CR1: variants seen among roughly 807,000 people sequenced by gnomAD.
CR1 encodes complement C3b/C4b receptor 1 (Knops blood group).
CR1 carries 116 observed loss-of-function variants against 187.3 expected under a neutral mutation model. The observed-to-expected ratio is 0.62, with a 90% CI of 0.53 to 0.72. The LOEUF (loss-of-function observed/expected upper bound fraction) is 0.72. Among genes scored for constraint, CR1 ranks in the 30% least tolerant of loss-of-function variants. The pLI, the probability that CR1 is intolerant of heterozygous loss-of-function variation, is 0.00. For synonymous variants in CR1, 576 were observed against 747.1 expected, an observed-to-expected ratio of 0.77 and a Z score of 3.73; for missense variants, 1,731 against 2,110.7, an observed-to-expected ratio of 0.82 and a Z score of 3.52.
chr1:207,611,663 T>A lies in CR1; in HGVS notation c.6296-14T>A. The A allele has an allele frequency of 5.0e-6, 8 of 1,613,518 alleles. No homozygotes were observed. The highest frequency in any genetic ancestry group is 5.9e-6 in the Non-Finnish European group (7 of 1,179,580). On this transcript the variant is annotated splice_polypyrimidine_tract_variant and intron_variant, in intron 37 of 46. Transcript: ENST00000367049. ...CCATATCTAACAAGTGCTCTGGAACTGTCCTTTCCACAGTGTGTCAGCCGC... is the reference window on the plus strand; with the variant it reads ...CCATATCTAACAAGTGCTCTGGAACAGTCCTTTCCACAGTGTGTCAGCCGC...
At chr1:207,576,889 A>G (rs191902950) in intron 28 of CR1, among the ~76,000 whole-genome samples, 63 of 152,344 alleles carry the variant, frequency 4.1e-4, no homozygotes, top group African/African-American at 1.5e-3. Flanking sequence ...TGCCTTCTAT[A>G]TAGAGAGAAC....
At chr1:207,604,491 T>C (rs1661691074) in intron 35 of CR1, among the ~76,000 whole-genome samples, 1 of 152,204 alleles carries the variant, frequency 6.6e-6, no homozygotes, top group African/African-American at 2.4e-5. Context: ...GGATTTTGCT[T>C]TGATGAATGT....
chr1:207,625,928 G>C (rs746745041), intron 45 of CR1, among the ~76,000 whole-genome samples: 1 of 152,148 alleles, frequency 6.6e-6, no homozygotes, highest in Non-Finnish European at 1.5e-5. Flanking sequence ...AGCAGTAATG[G>C]ATTATAAAAC....
chr1:207,517,908 G>A (rs1255605548), intron 4 of CR1, among the ~76,000 whole-genome samples: 1 of 151,822 alleles, frequency 6.6e-6, no homozygotes, highest in Non-Finnish European at 1.5e-5. Context: ...GTTTTACCGG[G>A]GCTTTATCAA....
chr1:207,568,440 C>T (rs1227128091), intron 25 of CR1, among the ~76,000 whole-genome samples: 2 of 71,774 alleles, frequency 2.8e-5, no homozygotes, highest in African/African-American at 6.8e-5. Flanking sequence ...ACTTGAAGTA[C>T]AAGGAAACCA....
intron 31 of CR1, among the ~76,000 whole-genome samples, chr1:207,581,195 CGT>C (rs1660928829): frequency 6.8e-6 from 1 of 147,270 alleles, no homozygotes; most frequent in South Asian, 2.2e-4. Flanking sequence ...TACATGGACA[CGT>C]ATATGTAGAC....
intron 4 of CR1, among the ~76,000 whole-genome samples, chr1:207,513,424 T>C (rs1424186628): frequency 6.6e-6 from 1 of 152,130 alleles, no homozygotes; most frequent in Non-Finnish European, 1.5e-5. Context: ...AAACTCCCCA[T>C]GTGAATGTAT....
Position 207,614,441 on chromosome 1 carries a change from T to C in CR1, c.6613T>C (p.Leu2205=). The C allele has an allele frequency of 6.2e-7, 1 of 1,611,966 alleles. No individual in the cohort carries two copies. The highest frequency in any genetic ancestry group is 8.5e-7 in the Non-Finnish European group (1 of 1,178,568). The change falls in exon 40 of 47, where the codon TTG becomes CTG. Residue 2205 remains leucine, a synonymous_variant. Transcript: ENST00000367049. ...LKGRSASHCV[L]AGMKALWNSS... ...AGGCAGGTCTGCTAGTCATTGTGTC[T>C]TGGCTGGAATGAAAGCCCTTTGGAA...
Position 207,496,246 on chromosome 1 carries a change from T to C in CR1, c.-22T>C. 1.2e-6 allele frequency: 2 copies of C among 1,613,686 alleles called. No homozygotes were observed. The highest frequency in any genetic ancestry group is 1.7e-6 in the Non-Finnish European group (2 of 1,179,798). ...CAGTTTTCTTCGAGATCAAATCTGGTTTGTAGATGTGCTTGGGGAGAATGG... is the reference window on the plus strand; with the variant it reads ...CAGTTTTCTTCGAGATCAAATCTGGCTTGTAGATGTGCTTGGGGAGAATGG... On this transcript the variant is annotated 5_prime_UTR_variant, in exon 1 of 47. Transcript: ENST00000367049.
At chr1:207,508,695 G>T (rs1380219765) in intron 3 of CR1, among the ~76,000 whole-genome samples, 1 of 151,930 alleles carries the variant, frequency 6.6e-6, no homozygotes, top group Admixed American at 6.6e-5. Context: ...CCCTGCATGT[G>T]AATCTGATTA....
intron 35 of CR1, among the ~76,000 whole-genome samples, chr1:207,603,103 T>G (rs1412444646): frequency 6.6e-6 from 1 of 152,040 alleles, no homozygotes; most frequent in Non-Finnish European, 1.5e-5. Context: ...ATGACATTCT[T>G]TTTTTTAATT....
chr1:207,515,184 T>C (rs1294676833), intron 4 of CR1, among the ~76,000 whole-genome samples: 1 of 83,090 alleles, frequency 1.2e-5, no homozygotes, highest in Non-Finnish European at 2.2e-5. Context: ...TATACATATA[T>C]ACGTATATAT....
chr1:207,553,023 TCTGTATCCTTG>T, intron 19 of CR1, 172 bp downstream of exon 19: 1 of 349,564 alleles, frequency 2.9e-6, no homozygotes, highest in Admixed American at 4.6e-5. Flanking sequence ...AGGGGGAAAA[TCTGTATCCTTG>T]CTGGAAACCA....
At chr1:207,505,825 G>A in intron 1 of CR1, 79 bp from the exon 2 acceptor site, 5 of 1,492,516 alleles carry the variant, frequency 3.4e-6, no homozygotes, top group South Asian at 1.3e-5. Context: ...GATGGAGCCA[G>A]TCTCCGTCTC....
intron 41 of CR1, among the ~76,000 whole-genome samples, chr1:207,617,557 GTGTATATATA>G (rs1470935057): frequency 2.4e-5 from 2 of 82,508 alleles, no homozygotes; most frequent in East Asian, 6.0e-4. Flanking sequence ...ATATATATAT[GTGTATATATA>G]TGTGTGTGTG....
chr1:207,631,058 T>A (rs1662630268), intron 46 of CR1, among the ~76,000 whole-genome samples: 1 of 152,146 alleles, frequency 6.6e-6, no homozygotes, highest in Admixed American at 6.5e-5. Flanking sequence ...TTCCACTGAA[T>A]TCTCTACTTC....
chr1:207,585,411 C>G (rs1661083860), intron 33 of CR1, among the ~76,000 whole-genome samples: 1 of 152,206 alleles, frequency 6.6e-6, no homozygotes, highest in African/African-American at 2.4e-5. Flanking sequence ...TCCAGGCTGT[C>G]TTAATCTTTG....
In CR1 at chr1:207,523,732, G is replaced by T. The variant is rs1660069492; in HGVS notation, c.609G>T (p.Lys203Asn). ...YRCNPGSGGR[K>N]VFELVGEPSI... ...GCAATCCTGGAAGCGGAGGGAGAAA[G>T]GTGTTTGAGCTTGTGGGTGAGCCCT... The change falls in exon 5 of 47, where the codon AAG becomes AAT. Residue 203 changes from lysine (K) to asparagine (N), a missense_variant. This residue lies in a region of CR1 where 131 missense variants were observed against 196.8 expected (regional missense o/e 0.67). Coordinates refer to ENST00000367049, the MANE Select transcript of CR1 (RefSeq NM_000651.6). 6.2e-7 allele frequency: 1 copy of T among 1,612,580 alleles called. No homozygotes were observed. The highest frequency in any genetic ancestry group is 2.2e-5 in the East Asian group (1 of 44,886).
intron 4 of CR1, among the ~76,000 whole-genome samples, chr1:207,521,528 C>A (rs1312854143): frequency 1.3e-5 from 2 of 150,810 alleles, no homozygotes; most frequent in African/African-American, 4.9e-5. Context: ...CTTTCAGAGT[C>A]TAACCTGCTA....
Sources: allele counts gnomAD v4.1 joint callset (sites outside exome capture counted in the v4.1 genomes callset), GRCh38; gene constraint gnomAD v4.1.1; regional missense constraint gnomAD v4.1.1; transcripts MANE v1.5; gene names NCBI Gene and HGNC (gene_info 2026-07-23, HGNC 2026-07-21).